FAM153A: variants seen among roughly 807,000 people sequenced by gnomAD.
The protein encoded by FAM153A is protein FAM153A.
FAM153A carries 12 observed loss-of-function variants against 48.1 expected under a neutral mutation model. The ratio of observed to expected loss-of-function variants is 0.25; its 90% CI spans 0.16 to 0.40. The LOEUF is 0.40. FAM153A is among the 10% of genes least tolerant of loss of function. FAM153A has a pLI of 1.00. For missense variants in FAM153A, 111 were observed against 345.8 expected (o/e 0.32, Z 5.38); for synonymous variants, 36 against 118.2 (o/e 0.30, Z 4.51).
intron 18 of FAM153A, among the ~76,000 whole-genome samples, chr5:177,728,240 C>T (rs1762978954): frequency 8.9e-6 from 1 of 112,618 alleles, no homozygotes; most frequent in Non-Finnish European, 1.9e-5. Flanking sequence ...GCAGCGTGTC[C>T]ATCTGAGGAC....
chr5:177,746,218 T>G (rs1371222813), intron 4 of FAM153A, among the ~76,000 whole-genome samples: 1 of 150,658 alleles, frequency 6.6e-6, no homozygotes, highest in South Asian at 2.1e-4. Context: ...GATGAATGGG[T>G]AGCTGAGTAG....
exon 11 of FAM153A, chr5:177,737,070 A>T (rs764219575): frequency 5.2e-6 from 8 of 1,550,010 alleles, no homozygotes; most frequent in Non-Finnish European, 7.0e-6. Context: ...TTCCTCAGAG[A>T]CTGTCTGCCC....
upstream of FAM153A, among the ~76,000 whole-genome samples, chr5:177,754,406 G>T (rs1251603382): frequency 6.6e-6 from 1 of 151,734 alleles, no homozygotes; most frequent in Non-Finnish European, 1.5e-5. Flanking sequence ...CTCCACCTCT[G>T]GGGGCAGGGC....
chr5:177,781,001 C>CT (rs1341400498), upstream of FAM153A, among the ~76,000 whole-genome samples: 3 of 51,264 alleles, frequency 5.9e-5, no homozygotes, highest in African/African-American at 7.8e-5. Flanking sequence ...AAAGCAAAGG[C>CT]TTTTTTTCCT....
At chr5:177,737,184 A>G in intron 10 of FAM153A, 72 bp from the exon 13 acceptor site, 1 of 1,439,408 alleles carries the variant, frequency 6.9e-7, no homozygotes, top group Middle Eastern at 2.6e-4. Context: ...GGAGCTGTGG[A>G]CACGGGGCTG....
chr5:177,739,392 T>A (rs893905646), intron 9 of FAM153A, among the ~76,000 whole-genome samples: 3 of 119,932 alleles, frequency 2.5e-5, no homozygotes, highest in African/African-American at 8.8e-5. Context: ...GCTGACATAG[T>A]TTGTAACTGA....
rs575185693 is a variant in FAM153A, at chr5:177,769,225, C to T, written c.-57+11224G>A. Among the ~76,000 whole-genome samples the T allele has an allele frequency of 4.8e-3, 269 of 55,584 alleles. 51 individuals are homozygous for T. Among genetic ancestry groups the T allele is most frequent in the Non-Finnish European group, 5.6e-3 (169 of 30,028 alleles). 36.5% of individuals were successfully genotyped at this position (55,584 alleles called of 152,430 possible). A position where few individuals can be genotyped will look rare whatever the true frequency, so the allele number is the denominator to read the frequency against. ...TCCAGCCTGGGCGACAGCGAGACTC[C>T]GTCCCAAAAAAAAAAAAAAAAAAAA... is the stretch of plus-strand genomic sequence containing the variant. On this transcript the variant is annotated intron_variant, in intron 1 of 8. Coordinates refer to the FAM153A transcript ENST00000393518.
exon 27 of FAM153A, chr5:177,712,238 A>G (rs1192727168): frequency 6.6e-6 from 1 of 151,880 alleles, no homozygotes; most frequent in Admixed American, 6.6e-5. Context: ...TTGGGAGGCC[A>G]AGGTGGGCAG....
At position 177,729,005 on chromosome 5, in the gene FAM153A, T is replaced by A; in HGVS notation, c.964+18A>T. ...AAGATTTCACACCTAAACAAAGAGA[T>A]GATCCCAGAATACGTACGCTTTGCC... On this transcript the variant is annotated intron_variant, in intron 18 of 20. Coordinates refer to ENST00000614127, the Ensembl canonical transcript of FAM153A. The A allele has an allele frequency of 3.4e-6, 2 of 584,090 alleles. No homozygotes were observed. The highest frequency in any genetic ancestry group is 4.2e-5 in the South Asian group (2 of 47,984). The allele number at this position is 584,090 out of a possible 1,614,324, so 36.2% of individuals were successfully genotyped here. A position where few individuals can be genotyped will look rare whatever the true frequency, so the allele number is the denominator to read the frequency against.
rs1467069778 is a variant in FAM153A at position 177,728,565 on chromosome 5, G to GT, written c.964+457dup. Among the ~76,000 whole-genome samples the GT allele has an allele frequency of 1.7e-3, 220 of 133,016 alleles. 3 individuals carry two copies. Among genetic ancestry groups the GT allele is most frequent in the African/African-American group, 5.2e-3 (183 of 35,300 alleles). The allele number at this position is 133,016 out of a possible 152,430, so 87.3% of individuals were successfully genotyped here. A position where few individuals can be genotyped will look rare whatever the true frequency, so the allele number is the denominator to read the frequency against. Reference sequence around the variant, plus strand: ...AGTTTGTTGGGGTGTTTTTTTTTTTGTTTGTTTTTGTTTTTTTTTTTGAGA... The same window carrying GT: ...AGTTTGTTGGGGTGTTTTTTTTTTTGTTTTGTTTTTGTTTTTTTTTTTGAGA... On this transcript the variant is annotated intron_variant, in intron 18 of 20. Coordinates refer to ENST00000614127, the Ensembl canonical transcript of FAM153A.
At chr5:177,695,921 G>A in the FAM153A span, among the ~76,000 whole-genome samples, 14 of 132,366 alleles carry the variant, frequency 1.1e-4, 1 homozygote, top group South Asian at 2.6e-4. Context: ...CAGGGTGGCC[G>A]GGCAGGGGCA....
the FAM153A span, among the ~76,000 whole-genome samples, chr5:177,695,694 TTTTCCCCACA>T: frequency 6.6e-6 from 1 of 151,566 alleles, no homozygotes. Flanking sequence ...GATCTCTTTC[TTTTCCCCACA>T]TTTCCCCCTT....
At chr5:177,781,287 T>G (rs935310928), upstream of FAM153A, among the ~76,000 whole-genome samples, 1 of 128,576 alleles carries the variant, frequency 7.8e-6, no homozygotes, top group Non-Finnish European at 1.7e-5. Flanking sequence ...TTTTTTTTTT[T>G]TGTATTTTTA....
At chr5:177,737,927 A>G (rs1468261063) in intron 10 of FAM153A, among the ~76,000 whole-genome samples, 1 of 151,718 alleles carries the variant, frequency 6.6e-6, no homozygotes, top group Non-Finnish European at 1.5e-5. Flanking sequence ...AGACTAAACC[A>G]AGATTTGAAA....
rs546018405 is a variant in FAM153A at position 177,734,104 on chromosome 5, C to G, written c.760+276G>C. 5.7e-5 allele frequency among the ~76,000 whole-genome samples: 7 copies of G among 122,974 alleles called. 1 individual carries two copies. In the South Asian group the frequency reaches 1.4e-3, roughly 25 times the overall value. 80.7% of individuals were successfully genotyped at this position (122,974 alleles called of 152,430 possible). Reference sequence around the variant, plus strand: ...ACCCACACACACACCCCCAGACTCACTGACCACAGCACCACATGAATTCAC... The same window carrying G: ...ACCCACACACACACCCCCAGACTCAGTGACCACAGCACCACATGAATTCAC... On this transcript the variant is annotated intron_variant, in intron 14 of 20. Transcript: ENST00000614127.
chr5:177,705,164 C>T (rs980934609), downstream of FAM153A, among the ~76,000 whole-genome samples: 4 of 149,288 alleles, frequency 2.7e-5, no homozygotes, highest in Non-Finnish European at 5.9e-5. Context: ...ATTAGCTGAG[C>T]ATGGTGGCAT....
At chr5:177,722,198 C>T (rs1421847813), downstream of FAM153A, 5 of 123,824 alleles carry the variant, frequency 4.0e-5, no homozygotes, top group African/African-American at 9.5e-5. Flanking sequence ...GGCATGATCT[C>T]GGCTCACCGC....
chr5:177,739,787 G>A (rs1765255116), intron 8 of FAM153A, 117 bp from the exon 11 acceptor site: 5 of 133,120 alleles, frequency 3.8e-5, no homozygotes, highest in Admixed American at 1.5e-4. Flanking sequence ...TACCCCAGAC[G>A]GAGCCGCAGG....
At chr5:177,747,181 C>T (rs1766150752) in intron 4 of FAM153A, among the ~76,000 whole-genome samples, 1 of 139,370 alleles carries the variant, frequency 7.2e-6, no homozygotes, top group Non-Finnish European at 1.5e-5. Context: ...TGACAAGTTA[C>T]ACCAGGGCCA....
Sources: gnomAD v4.1 joint callset for allele counts (sites outside exome capture counted in the v4.1 genomes callset) on GRCh38, gnomAD v4.1.1 for gene constraint, MANE v1.5 for transcripts, NCBI Gene and HGNC (gene_info 2026-07-23, HGNC 2026-07-21) for gene names.